NCOR2: variants seen among roughly 807,000 people sequenced by gnomAD.
NCOR2 encodes the protein nuclear receptor corepressor 2.
A neutral mutation model predicts 262.9 loss-of-function variants in NCOR2; 81 were observed. The ratio of observed to expected loss-of-function variants is 0.31; its 90% CI spans 0.26 to 0.37. The LOEUF (loss-of-function observed/expected upper bound fraction) is 0.37. NCOR2 is among the 10% of genes least tolerant of loss of function. The probability of loss-of-function intolerance (pLI) is 1.00; values close to 1 mark genes in which losing one functional copy is unlikely to be tolerated. For synonymous variants in NCOR2, 1,659 were observed against 1,559.3 expected (o/e 1.06, Z -1.51); for missense variants, 3,385 against 3,621.4 (o/e 0.93, Z 1.68).
At chr12:124,437,420 T>A (rs965827294) in intron 8 of NCOR2, among the ~76,000 whole-genome samples, 4 of 152,214 alleles carry the variant, frequency 2.6e-5, no homozygotes, top group Non-Finnish European at 4.4e-5. Flanking sequence ...CTTTTCTGTT[T>A]GGATGAGGCC....
upstream of NCOR2, among the ~76,000 whole-genome samples, chr12:124,497,147 C>T (rs1002003900): frequency 5.9e-5 from 9 of 152,348 alleles, no homozygotes; most frequent in East Asian, 1.9e-4. The surrounding 1 kb of genome is among the most constrained non-coding windows in gnomAD (Gnocchi z 4.2). Flanking sequence ...ACCAAGAATT[C>T]GGGCTCACAC....
In NCOR2 at chr12:124,523,963, T is replaced by A. The variant is rs144979820; in HGVS notation, c.-118+11602A>T. 5.6e-4 allele frequency among the ~76,000 whole-genome samples: 86 copies of A among 152,348 alleles called. No homozygotes were observed. The East Asian group carries it at 0.012, about 20-fold the overall frequency. Reference sequence around the variant, plus strand: ...AGGCCCCACTGGAGACATGGTATTGTTCTCTGAGAAACTGCTGTGGCCGTG... The same window carrying A: ...AGGCCCCACTGGAGACATGGTATTGATCTCTGAGAAACTGCTGTGGCCGTG... On this transcript the variant is annotated intron_variant, in intron 1 of 46. Coordinates refer to the NCOR2 transcript ENST00000404621. The surrounding 1 kb of genome is among the most constrained non-coding windows in gnomAD (Gnocchi z 4.0).
At chr12:124,513,414 G>A (rs1427589191) in intron 1 of NCOR2, 5 of 152,174 alleles carry the variant, frequency 3.3e-5, no homozygotes, top group Admixed American at 2.6e-4. Flanking sequence ...CCTGGGAAAC[G>A]GGCCCCTGCC....
chr12:124,355,856 C>A (rs921210868), intron 23 of NCOR2, among the ~76,000 whole-genome samples: 1 of 152,170 alleles, frequency 6.6e-6, no homozygotes, highest in South Asian at 2.1e-4. Context: ...CCACTGTAGC[C>A]CCCAGTAGCC....
upstream of NCOR2, chr12:124,495,360 C>A: frequency 6.9e-7 from 1 of 1,448,498 alleles, no homozygotes; most frequent in Non-Finnish European, 9.1e-7. The surrounding 1 kb of genome is among the most constrained non-coding windows in gnomAD (Gnocchi z 4.4). Context: ...GCCACCCCGT[C>A]ACTGGCACCT....
intron 44 of NCOR2, 86 bp downstream of exon 46, chr12:124,330,759 C>T: frequency 7.0e-7 from 1 of 1,435,558 alleles, no homozygotes; most frequent in Non-Finnish European, 9.6e-7. Flanking sequence ...GCGAAGGCTC[C>T]TCGTCCCTTC....
chr12:124,542,827 C>G (rs2051415278), intron 1 of NCOR2: 1 of 152,366 alleles, frequency 6.6e-6, no homozygotes, highest in South Asian at 2.1e-4. Flanking sequence ...CACCTGGTCC[C>G]CGTCCCTGTG....
intron 18 of NCOR2, among the ~76,000 whole-genome samples, chr12:124,377,088 C>T (rs779443837): frequency 2.0e-5 from 3 of 152,182 alleles, no homozygotes; most frequent in Non-Finnish European, 2.9e-5. Context: ...GGCCAGGTGT[C>T]GGCAGCCCGT....
intron 24 of NCOR2, 102 bp downstream of exon 26, chr12:124,355,330 G>GC: frequency 2.8e-6 from 4 of 1,418,512 alleles, no homozygotes. Context: ...GATGACCCAG[G>GC]CCCCCGAGAG....
chr12:124,564,175 G>C (rs2052159205), intron 1 of NCOR2, among the ~76,000 whole-genome samples: 1 of 152,224 alleles, frequency 6.6e-6, no homozygotes, highest in Non-Finnish European at 1.5e-5. Context: ...CGCCGGATGG[G>C]TTGTAAAGTC....
Position 124,484,779 on chromosome 12 carries a change from C to G in NCOR2, c.234-1006G>C, listed in dbSNP as rs2047687991. On this transcript the variant is annotated intron_variant, in intron 2 of 46. Transcript: ENST00000405201. ...TCTCTCTCCACTGCCCTCCCACGCG[C>G]TTGGTGACAACAGGTGTTTCCTGGC... Among the ~76,000 whole-genome samples, 5 of 152,238 alleles carry G rather than the reference C, an allele frequency of 3.3e-5. No individual in the cohort carries two copies. In the South Asian group the frequency reaches 8.3e-4, roughly 25 times the overall value.
At chr12:124,347,507 G>A (rs773192748) in intron 30 of NCOR2, 6 of 338,624 alleles carry the variant, frequency 1.8e-5, no homozygotes, top group South Asian at 6.7e-5. Context: ...TCTCCCAATC[G>A]CATGTGCCTC....
chr12:124,382,449 CG>C (rs1565894238), intron 17 of NCOR2, among the ~76,000 whole-genome samples: 1 of 152,222 alleles, frequency 6.6e-6, no homozygotes, highest in Non-Finnish European at 1.5e-5. Context: ...ACCTGGATCT[CG>C]GGGTCCCCTC....
chr12:124,431,258 A>G (rs1371910068), intron 8 of NCOR2, among the ~76,000 whole-genome samples: 1 of 151,966 alleles, frequency 6.6e-6, no homozygotes, highest in Non-Finnish European at 1.5e-5. Flanking sequence ...ACAGGCACAC[A>G]CAAGTCACAC....
At chr12:124,365,729 C>T (rs1304785074) in intron 20 of NCOR2, among the ~76,000 whole-genome samples, 3 of 151,970 alleles carry the variant, frequency 2.0e-5, no homozygotes, top group African/African-American at 7.3e-5. Context: ...CCTCCCTCCC[C>T]TCCCTCCACC....
chr12:124,452,967 C>A (rs890760720), intron 6 of NCOR2, among the ~76,000 whole-genome samples: 2 of 152,152 alleles, frequency 1.3e-5, no homozygotes, highest in Admixed American at 1.3e-4. Context: ...GGCCCCTGAA[C>A]CCCAGGAGCC....
exon 35 of NCOR2, chr12:124,340,689 G>T: frequency 6.5e-7 from 1 of 1,530,574 alleles, no homozygotes; most frequent in East Asian, 2.3e-5. Context: ...GCGGTGGCTG[G>T]GGTGCCTGGT....
chr12:124,364,791 C>T (rs1389314782), intron 20 of NCOR2, among the ~76,000 whole-genome samples: 2 of 152,194 alleles, frequency 1.3e-5, no homozygotes, highest in Non-Finnish European at 2.9e-5. Context: ...TGTGGCTGCC[C>T]GGGGCTGCCC....
rs1462379534 is a variant in NCOR2 at position 124,356,517 on chromosome 12, G to A, written c.3241+125C>T. 4 of 881,710 alleles carry A rather than the reference G, an allele frequency of 4.5e-6. No homozygotes were observed. In the East Asian group the frequency reaches 9.9e-5, roughly 22 times the overall value. 54.6% of individuals were successfully genotyped at this position (881,710 alleles called of 1,614,324 possible). ...CCCCTTTCCCTCCACTGACCAGGCT[G>A]TTCCTCCAGCCAGGTCCCATAAGGC... On this transcript the variant is annotated intron_variant, in intron 23 of 46. Transcript: ENST00000405201.
Sources: gnomAD v4.1 joint callset for allele counts (sites outside exome capture counted in the v4.1 genomes callset) on GRCh38, gnomAD v4.1.1 for gene constraint, Gnocchi (gnomAD v3.1) non-coding constraint, MANE v1.5 for transcripts, NCBI Gene and HGNC (gene_info 2026-07-23, HGNC 2026-07-21) for gene names.